FMNL2: variants seen among roughly 807,000 people sequenced by gnomAD.
The protein encoded by FMNL2 is formin-like protein 2.
A neutral mutation model predicts 130.2 loss-of-function variants in FMNL2; 51 were observed. The observed-to-expected ratio is 0.39, with a 90% CI of 0.31 to 0.49. The LOEUF (loss-of-function observed/expected upper bound fraction) is 0.49. Ranked by LOEUF, FMNL2 falls within the 20% of genes least tolerant of loss-of-function variation. The pLI is 0.85. For missense variants in FMNL2, 977 were observed against 1,316.2 expected (o/e 0.74, Z 3.99); for synonymous variants, 465 against 467.1 (o/e 1.00, Z 0.06).
chr2:152,461,816 A>T (rs575986582), intron 1 of FMNL2, among the ~76,000 whole-genome samples: 2 of 152,192 alleles, frequency 1.3e-5, no homozygotes. Context: ...TCACTGTCTA[A>T]TAGAACTTTC....
At chr2:152,508,952 T>C (rs1692334907) in intron 1 of FMNL2, among the ~76,000 whole-genome samples, 1 of 152,224 alleles carries the variant, frequency 6.6e-6, no homozygotes, top group African/African-American at 2.4e-5. Context: ...AGGGCCTGCT[T>C]CCCAGAAATT....
intron 2 of FMNL2, among the ~76,000 whole-genome samples, chr2:152,524,583 G>A (rs1693279807): frequency 6.6e-6 from 1 of 152,184 alleles, no homozygotes; most frequent in African/African-American, 2.4e-5. Flanking sequence ...TGTAGTGTGA[G>A]CGTAGAAAGC....
intron 1 of FMNL2, among the ~76,000 whole-genome samples, chr2:152,346,185 C>T (rs538333801): frequency 1.3e-5 from 2 of 151,946 alleles, no homozygotes; most frequent in South Asian, 2.1e-4. Flanking sequence ...CCTCTGTGCC[C>T]GGCTAATTTT....
rs1051836820 is a variant in FMNL2 at position 152,640,943 on chromosome 2, T to A, written c.3169+29T>A. On this transcript the variant is annotated intron_variant, in intron 25 of 25. Transcript: ENST00000288670. The stretch of plus-strand genomic sequence containing the variant: ...AAAGATATTTCTTCACTGTGGCCCA[T>A]GGAGATCCCACTGGCCTCACCTAGA... 6 of 1,612,174 alleles carry A rather than the reference T, an allele frequency of 3.7e-6. No homozygotes were observed. In the African/African-American group the frequency reaches 8.0e-5, roughly 22 times the overall value.
chr2:152,599,890 C>G (rs975484285), intron 9 of FMNL2, among the ~76,000 whole-genome samples: 11 of 152,160 alleles, frequency 7.2e-5, no homozygotes, highest in African/African-American at 2.7e-4. Flanking sequence ...ACATGAGAGC[C>G]AGCAGCAGGT....
chr2:152,411,458 A>G (rs1000886976), intron 1 of FMNL2, among the ~76,000 whole-genome samples: 3 of 152,130 alleles, frequency 2.0e-5, no homozygotes, highest in Admixed American at 6.6e-5. Context: ...TTATCCATGC[A>G]TTTCATTGGC....
chr2:152,590,952 G>C (rs902827931), intron 9 of FMNL2, among the ~76,000 whole-genome samples: 1 of 126,518 alleles, frequency 7.9e-6, no homozygotes, highest in African/African-American at 2.9e-5. Flanking sequence ...TATCCCTCTT[G>C]TGCAGAGTTA....
intron 6 of FMNL2, among the ~76,000 whole-genome samples, chr2:152,571,025 A>G (rs924027465): frequency 1.3e-5 from 2 of 152,168 alleles, no homozygotes; most frequent in Non-Finnish European, 2.9e-5. Flanking sequence ...TGGCATTTTA[A>G]CTTGTTCTCA....
At chr2:152,575,279 C>G (rs538415036) in intron 7 of FMNL2, 35 bp downstream of exon 7, 1 of 1,384,758 alleles carries the variant, frequency 7.2e-7, no homozygotes, top group South Asian at 1.2e-5. Context: ...TAAAAAAAAC[C>G]TGAATTAATC....
At chr2:152,536,787 T>A (rs888283408) in intron 2 of FMNL2, among the ~76,000 whole-genome samples, 9 of 152,216 alleles carry the variant, frequency 5.9e-5, no homozygotes, top group African/African-American at 1.9e-4. Flanking sequence ...ATAATTTCTT[T>A]CCTTAAGCCT....
Position 152,648,635 on chromosome 2 carries a change from C to A in FMNL2, c.*730C>A, listed in dbSNP as rs994957950. 3.3e-5 allele frequency: 5 copies of A among 152,608 alleles called. No homozygotes were observed. Among genetic ancestry groups the A allele is most frequent in the African/African-American group, 1.2e-4 (5 of 41,434 alleles). The allele number at this position is 152,608 out of a possible 1,614,324, so 9.5% of individuals were successfully genotyped here. The stretch of plus-strand genomic sequence containing the variant: ...TATTTATTAGCATTAAAATTAACAT[C>A]TCAGTAATCAGCATTAGCATTTCTG... On this transcript the variant is annotated 3_prime_UTR_variant, in exon 26 of 26. Coordinates refer to ENST00000288670, the MANE Select transcript of FMNL2 (RefSeq NM_052905.4).
At chr2:152,631,133 C>G (rs1349808788) in intron 20 of FMNL2, among the ~76,000 whole-genome samples, 1 of 152,084 alleles carries the variant, frequency 6.6e-6, no homozygotes, top group South Asian at 2.1e-4. Context: ...CACCTGTAAT[C>G]CCAGCACTTT....
At chr2:152,381,534 G>A (rs1375663121) in intron 1 of FMNL2, among the ~76,000 whole-genome samples, 2 of 152,300 alleles carry the variant, frequency 1.3e-5, no homozygotes, top group African/African-American at 4.8e-5. Context: ...ATGGAAAATG[G>A]TTTAATATTC....
intron 1 of FMNL2, among the ~76,000 whole-genome samples, chr2:152,469,758 A>T (rs1428666994): frequency 6.6e-6 from 1 of 152,200 alleles, no homozygotes; most frequent in Non-Finnish European, 1.5e-5. Flanking sequence ...TAATTTTTTT[A>T]AAAAGAAAAT....
At chr2:152,630,108 G>C (rs1043484817) in intron 20 of FMNL2, among the ~76,000 whole-genome samples, 1 of 152,108 alleles carries the variant, frequency 6.6e-6, no homozygotes, top group Non-Finnish European at 1.5e-5. Flanking sequence ...TCCATTTCTA[G>C]GAATTTTTTC....
chr2:152,637,423 T>C lies in FMNL2; in HGVS notation c.2845-150T>C, dbSNP rs1367331959. 4 of 639,852 alleles carry C rather than the reference T, an allele frequency of 6.3e-6. No individual in the cohort carries two copies. In the Admixed American group the frequency reaches 8.1e-5, roughly 13 times the overall value. The allele number at this position is 639,852 out of a possible 1,614,324, so 39.6% of individuals were successfully genotyped here. On this transcript the variant is annotated intron_variant, in intron 22 of 25. Coordinates refer to ENST00000288670, the MANE Select transcript of FMNL2 (RefSeq NM_052905.4). The stretch of plus-strand genomic sequence containing the variant: ...GCGTTTGGAGGAAACACGGAGGCGT[T>C]AGGCAATCTTGGGAGGTAAGGGAGG...
At chr2:152,641,778 G>A (rs1683103713) in intron 25 of FMNL2, among the ~76,000 whole-genome samples, 1 of 152,092 alleles carries the variant, frequency 6.6e-6, no homozygotes, top group Non-Finnish European at 1.5e-5. Context: ...AAATATTTCA[G>A]TATGTATCTT....
chr2:152,602,236 C>G (rs6434113), intron 9 of FMNL2, among the ~76,000 whole-genome samples: 118,548 of 152,212 alleles, frequency 0.78, 46,461 homozygotes, highest in East Asian at 0.94. Context: ...ACTGAAGTCT[C>G]TGGTCCAGGA....
intron 1 of FMNL2, among the ~76,000 whole-genome samples, chr2:152,355,288 A>C (rs1449399717): frequency 6.6e-6 from 1 of 152,246 alleles, no homozygotes; most frequent in Admixed American, 6.5e-5. Flanking sequence ...TTTCTTGAGC[A>C]GAAACAAAAT....
Sources: allele counts gnomAD v4.1 joint callset (sites outside exome capture counted in the v4.1 genomes callset), GRCh38; gene constraint gnomAD v4.1.1; transcripts MANE v1.5; gene names NCBI Gene and HGNC (gene_info 2026-07-23, HGNC 2026-07-21).